The following AGTPBP1 variants were observed in gnomAD, a reference collection of about 807,000 sequenced individuals.
The protein encoded by AGTPBP1 is cytosolic carboxypeptidase 1.
Under a neutral mutation model 143.9 loss-of-function variants are expected in AGTPBP1, and 70 were observed. The observed-to-expected ratio is 0.49, with a 90% confidence interval of 0.40 to 0.59. The LOEUF (loss-of-function observed/expected upper bound fraction) is 0.59. Among genes scored for constraint, AGTPBP1 ranks in the 20% least tolerant of loss-of-function variants. AGTPBP1 has a pLI of 0.00. For missense variants in AGTPBP1, 1,229 were observed against 1,464.5 expected, an observed-to-expected ratio of 0.84 and a Z score of 2.62; for synonymous variants, 463 against 500.2, an observed-to-expected ratio of 0.93 and a Z score of 0.99.
At chr9:85,551,607 T>G (rs1202674413) in intron 25 of AGTPBP1, among the ~76,000 whole-genome samples, 1 of 152,240 alleles carries the variant, frequency 6.6e-6, no homozygotes, top group South Asian at 2.1e-4. Context: ...ATGAAAAGCC[T>G]TGAGGTTGAC....
At chr9:85,659,752 C>T (rs1833742195) in intron 9 of AGTPBP1, among the ~76,000 whole-genome samples, 1 of 152,092 alleles carries the variant, frequency 6.6e-6, no homozygotes, top group Non-Finnish European at 1.5e-5. Flanking sequence ...GTTTCAATAG[C>T]TATTCTAATC....
At chr9:85,669,081 T>C (rs765840017) in intron 8 of AGTPBP1, among the ~76,000 whole-genome samples, 1 of 147,226 alleles carries the variant, frequency 6.8e-6, no homozygotes, top group African/African-American at 2.5e-5. Flanking sequence ...TTTGACAAAA[T>C]AGAAATGTAT....
At chr9:85,712,441 A>T in intron 2 of AGTPBP1, 61 bp downstream of exon 2, 1 of 857,230 alleles carries the variant, frequency 1.2e-6, no homozygotes, top group African/African-American at 1.7e-5. Context: ...TTGAGTTTCA[A>T]GTAATTCTGT....
chr9:85,574,952 A>C (rs905408997), intron 25 of AGTPBP1, among the ~76,000 whole-genome samples: 1 of 151,986 alleles, frequency 6.6e-6, no homozygotes, highest in African/African-American at 2.4e-5. Context: ...CAGGTGATCC[A>C]CCTGCCTCGG....
At chr9:85,790,634 ATT>A in the AGTPBP1 span, among the ~76,000 whole-genome samples, 1 of 152,180 alleles carries the variant, frequency 6.6e-6, no homozygotes, top group Non-Finnish European at 1.5e-5. Context: ...CTGTTTTTAT[ATT>A]TCCTTCTAGG....
intron 17 of AGTPBP1, among the ~76,000 whole-genome samples, chr9:85,612,732 T>A (rs995754926): frequency 1.3e-5 from 2 of 152,064 alleles, no homozygotes; most frequent in African/African-American, 2.4e-5. Flanking sequence ...CTGCACTAAC[T>A]CCAGGTAGTT....
chr9:85,587,354 A>G (rs1043499978), intron 21 of AGTPBP1, among the ~76,000 whole-genome samples: 5 of 152,176 alleles, frequency 3.3e-5, no homozygotes, highest in African/African-American at 9.6e-5. Flanking sequence ...GACTTCATCA[A>G]TTAAAGTGCT....
chr9:85,566,955 A>ATGAACTTT (rs1827145753), intron 25 of AGTPBP1, among the ~76,000 whole-genome samples: 1 of 152,262 alleles, frequency 6.6e-6, no homozygotes, highest in South Asian at 2.1e-4. Context: ...AGAGGGAATC[A>ATGAACTTT]CAGCCAGAAC....
At chr9:85,760,970 A>G in the AGTPBP1 span, among the ~76,000 whole-genome samples, 1 of 152,190 alleles carries the variant, frequency 6.6e-6, no homozygotes, top group African/African-American at 2.4e-5. Context: ...CTTATACACC[A>G]ATAACAGACA....
intron 1 of AGTPBP1, among the ~76,000 whole-genome samples, chr9:85,725,909 C>G (rs1011099064): frequency 6.6e-6 from 1 of 151,598 alleles, no homozygotes; most frequent in African/African-American, 2.4e-5. Flanking sequence ...AATAGCCAGG[C>G]GTGGTGGCAC....
At chr9:85,674,302 A>G (rs1834686300) in intron 6 of AGTPBP1, among the ~76,000 whole-genome samples, 2 of 152,030 alleles carry the variant, frequency 1.3e-5, no homozygotes, top group African/African-American at 4.8e-5. Flanking sequence ...TAAAAATGGG[A>G]AACTAGGGCA....
At chr9:85,803,840 CCTT>C in the AGTPBP1 span, among the ~76,000 whole-genome samples, 1 of 152,306 alleles carries the variant, frequency 6.6e-6, no homozygotes, top group East Asian at 1.9e-4. Flanking sequence ...AGAAGTAGCT[CCTT>C]CTCCTTTCCT....
In AGTPBP1 at chr9:85,657,418, A is replaced by T. The variant is rs761571462; in HGVS notation, c.909+17T>A. 4 of 1,584,158 alleles carry T rather than the reference A, an allele frequency of 2.5e-6. No individual in the cohort carries two copies. Among genetic ancestry groups the T allele is most frequent in the African/African-American group, 1.4e-5 (1 of 74,012 alleles). ...TTATTAGTACATAATCACAATAATAAGAAGAAAATAACTCACTTGCGAAGT... is the reference window on the plus strand; with the variant it reads ...TTATTAGTACATAATCACAATAATATGAAGAAAATAACTCACTTGCGAAGT... On this transcript the variant is annotated intron_variant, in intron 10 of 25. Transcript: ENST00000357081.
the AGTPBP1 span, among the ~76,000 whole-genome samples, chr9:85,752,267 G>A: frequency 6.6e-6 from 1 of 151,850 alleles, no homozygotes; most frequent in Admixed American, 6.6e-5. Context: ...GGAAACTAAA[G>A]AAATTTGGAA....
intron 1 of AGTPBP1, among the ~76,000 whole-genome samples, chr9:85,730,971 T>C (rs1196880873): frequency 2.0e-5 from 3 of 152,246 alleles, no homozygotes; most frequent in African/African-American, 4.8e-5. Context: ...ATGGTAAACC[T>C]TCTCTTTGCT....
intron 2 of AGTPBP1, among the ~76,000 whole-genome samples, chr9:85,695,676 T>C (rs1335500076): frequency 6.6e-6 from 1 of 152,180 alleles, no homozygotes; most frequent in East Asian, 1.9e-4. Flanking sequence ...CTGCTGCACA[T>C]TGAAATATGA....
chr9:85,556,919 C>T (rs573407180), intron 25 of AGTPBP1, among the ~76,000 whole-genome samples: 5 of 152,094 alleles, frequency 3.3e-5, no homozygotes, highest in Non-Finnish European at 5.9e-5. Flanking sequence ...AAAACCATTA[C>T]AATGTGAAAA....
At chr9:85,780,736 T>G in the AGTPBP1 span, among the ~76,000 whole-genome samples, 6 of 152,142 alleles carry the variant, frequency 3.9e-5, no homozygotes, top group Non-Finnish European at 8.8e-5. Flanking sequence ...AAATCCAAAT[T>G]GTAGCTGAAA....
At chr9:85,682,494 T>A (rs973657715) in intron 3 of AGTPBP1, among the ~76,000 whole-genome samples, 2 of 152,188 alleles carry the variant, frequency 1.3e-5, no homozygotes, top group Admixed American at 1.3e-4. Context: ...CCAAAACTTA[T>A]AGTCTTCCAG....
Sources: allele counts gnomAD v4.1 joint callset (sites outside exome capture counted in the v4.1 genomes callset), GRCh38; gene constraint gnomAD v4.1.1; transcripts MANE v1.5; gene names NCBI Gene and HGNC (gene_info 2026-07-23, HGNC 2026-07-21).